FRMD4B: variants seen among roughly 807,000 people sequenced by gnomAD.
The protein encoded by FRMD4B is FERM domain-containing protein 4B.
FRMD4B carries 74 observed loss-of-function variants against 141.5 expected under a neutral mutation model. The ratio of observed to expected loss-of-function variants is 0.52; its 90% CI spans 0.43 to 0.63. The LOEUF (loss-of-function observed/expected upper bound fraction) is 0.63, where lower values mean the gene tolerates loss of function less well. FRMD4B is among the 30% of genes least tolerant of loss of function. FRMD4B has a pLI of 0.00. For synonymous variants in FRMD4B, 506 were observed against 467.9 expected (o/e 1.08, Z -1.05); for missense variants, 1,366 against 1,253.4 (o/e 1.09, Z -1.36).
chr3:69,498,742 G>C (rs867303888), intron 1 of FRMD4B, among the ~76,000 whole-genome samples: 1 of 152,128 alleles, frequency 6.6e-6, no homozygotes, highest in Admixed American at 6.6e-5. Context: ...GAAAACTGAG[G>C]CTTACAAGTA....
chr3:69,334,188 T>C (rs1403786749), intron 1 of FRMD4B: 1 of 152,228 alleles, frequency 6.6e-6, no homozygotes, highest in Non-Finnish European at 1.5e-5. Flanking sequence ...GCTGCCTCAG[T>C]GGCCTTAGAC....
intron 2 of FRMD4B, among the ~76,000 whole-genome samples, chr3:69,428,830 A>T (rs1325359152): frequency 6.6e-6 from 1 of 152,144 alleles, no homozygotes; most frequent in East Asian, 1.9e-4. Context: ...CTCTGTGCCC[A>T]CTAAAATGTA....
intron 1 of FRMD4B, among the ~76,000 whole-genome samples, chr3:69,452,900 A>G (rs573199011): frequency 6.6e-6 from 1 of 152,340 alleles, no homozygotes; most frequent in South Asian, 2.1e-4. Context: ...ATTTAACCCA[A>G]CATAGCCAAA....
chr3:69,239,103 G>A (rs2093364544), intron 7 of FRMD4B, among the ~76,000 whole-genome samples: 1 of 152,192 alleles, frequency 6.6e-6, no homozygotes, highest in Non-Finnish European at 1.5e-5. Flanking sequence ...AACTTGCCAA[G>A]TTCCGAGTTG....
At chr3:69,205,579 C>T (rs771260376) in intron 11 of FRMD4B, among the ~76,000 whole-genome samples, 43 of 152,158 alleles carry the variant, frequency 2.8e-4, no homozygotes, top group Non-Finnish European at 5.0e-4. Flanking sequence ...CTCCTCCCAA[C>T]CATCAACCTC....
chr3:69,344,231 C>T (rs1702850618), intron 1 of FRMD4B, among the ~76,000 whole-genome samples: 1 of 152,148 alleles, frequency 6.6e-6, no homozygotes, highest in Admixed American at 6.6e-5. Flanking sequence ...TTAGTTTGTC[C>T]CTATCCATAT....
intron 1 of FRMD4B, among the ~76,000 whole-genome samples, chr3:69,534,290 T>C (rs1701049615): frequency 6.6e-6 from 1 of 152,190 alleles, no homozygotes; most frequent in African/African-American, 2.4e-5. Context: ...TACTATTCAA[T>C]CAGCAAGGGA....
chr3:69,215,008 G>A (rs931787926), intron 11 of FRMD4B, among the ~76,000 whole-genome samples: 10 of 150,686 alleles, frequency 6.6e-5, no homozygotes, highest in African/African-American at 2.4e-4. Flanking sequence ...GCCTCCCGAG[G>A]AGCTGGGACT....
intron 1 of FRMD4B, among the ~76,000 whole-genome samples, chr3:69,529,538 C>T (rs1700983179): frequency 6.6e-6 from 1 of 152,226 alleles, no homozygotes. Flanking sequence ...CACTGTGCTG[C>T]CCACACTGCC....
At chr3:69,318,974 T>A (rs979061680) in intron 1 of FRMD4B, among the ~76,000 whole-genome samples, 2 of 152,206 alleles carry the variant, frequency 1.3e-5, no homozygotes. Flanking sequence ...AGTTCTGTCA[T>A]CTGAGTGAGC....
intron 3 of FRMD4B, among the ~76,000 whole-genome samples, chr3:69,304,966 T>A (rs536445497): frequency 1.5e-4 from 23 of 152,214 alleles, no homozygotes; most frequent in African/African-American, 5.1e-4. Flanking sequence ...TAAATAATAA[T>A]ATGAGTAGTA....
At chr3:69,389,252 C>T (rs1240990843), upstream of FRMD4B, among the ~76,000 whole-genome samples, 1 of 152,152 alleles carries the variant, frequency 6.6e-6, no homozygotes, top group South Asian at 2.1e-4. Flanking sequence ...CAGCTGGTCT[C>T]GAACTCCTGA....
chr3:69,413,961 C>T (rs886750090), intron 2 of FRMD4B, among the ~76,000 whole-genome samples: 1 of 152,094 alleles, frequency 6.6e-6, no homozygotes, highest in African/African-American at 2.4e-5. Context: ...GGATTTGGAA[C>T]CTTCTGGAAT....
intron 2 of FRMD4B, among the ~76,000 whole-genome samples, chr3:69,430,056 C>T (rs977966635): frequency 3.9e-5 from 6 of 152,036 alleles, no homozygotes; most frequent in Admixed American, 1.3e-4. Flanking sequence ...CCACCATGCC[C>T]GGGCCTGGAT....
At chr3:69,429,755 T>C (rs1705146328) in intron 2 of FRMD4B, among the ~76,000 whole-genome samples, 1 of 135,542 alleles carries the variant, frequency 7.4e-6, no homozygotes, top group Non-Finnish European at 1.5e-5. Flanking sequence ...CTCTTCTTTT[T>C]TTTTTTTTTT....
rs563476224 is a variant in FRMD4B at position 69,280,970 on chromosome 3, G to A, written c.501+6782C>T. Among the ~76,000 whole-genome samples the A allele has an allele frequency of 3.0e-4, 46 of 151,072 alleles. 1 individual carries two copies. The South Asian group carries it at 9.5e-3, about 31-fold the overall frequency. On this transcript the variant is annotated intron_variant, in intron 5 of 22. Coordinates refer to ENST00000398540, the MANE Select transcript of FRMD4B (RefSeq NM_015123.3). ...TGTGAGACAGAGTTTCACTCTTGTT[G>A]CCCATGCTGGAGTGCGATGGTGCGA...
intron 5 of FRMD4B, among the ~76,000 whole-genome samples, chr3:69,268,172 A>G (rs1341813622): frequency 6.6e-6 from 1 of 151,956 alleles, no homozygotes; most frequent in Non-Finnish European, 1.5e-5. Flanking sequence ...CCATTCTGCC[A>G]ATATCTGAAT....
intron 1 of FRMD4B, among the ~76,000 whole-genome samples, chr3:69,467,120 AT>A (rs1409675381): frequency 4.6e-5 from 7 of 152,150 alleles, no homozygotes; most frequent in African/African-American, 1.7e-4. Context: ...GTCCCACTGT[AT>A]TTTCTAAGGC....
intron 1 of FRMD4B, among the ~76,000 whole-genome samples, chr3:69,356,882 T>G (rs917821984): frequency 6.6e-6 from 1 of 152,116 alleles, no homozygotes; most frequent in African/African-American, 2.4e-5. Flanking sequence ...GAACCTGAAG[T>G]CATTCCCTGG....
Sources: allele counts gnomAD v4.1 joint callset (sites outside exome capture counted in the v4.1 genomes callset), GRCh38; gene constraint gnomAD v4.1.1; transcripts MANE v1.5; gene names NCBI Gene and HGNC (gene_info 2026-07-23, HGNC 2026-07-21).